The following GAGE1 variants were observed in gnomAD, a reference collection of about 807,000 sequenced individuals.
GAGE1 encodes the protein G antigen 1.
A neutral mutation model predicts 5.0 loss-of-function variants in GAGE1; 5 were observed. The observed-to-expected ratio is 1.00, with a 90% CI of 0.52 to 2.11. The LOEUF (loss-of-function observed/expected upper bound fraction) is 2.11, where lower values mean the gene tolerates loss of function less well. Among genes scored for constraint, GAGE1 ranks in the 30% most tolerant of loss-of-function variants. The pLI is 0.01. For synonymous variants in GAGE1, 6 were observed against 14.8 expected, an observed-to-expected ratio of 0.40 and a Z score of 1.37; for missense variants, 9 against 38.9, an observed-to-expected ratio of 0.23 and a Z score of 2.04.
intron 4 of GAGE1, among the ~76,000 whole-genome samples, chrX:49,604,142 T>TG (rs1450028057): frequency 2.7e-5 from 3 of 112,795 alleles, no homozygotes; most frequent in Non-Finnish European, 5.6e-5. Context: ...CGAGAGCCAC[T>TG]GTGCCAGACC....
chrX:49,604,623 C>T (rs1402676026), intron 4 of GAGE1, among the ~76,000 whole-genome samples: 4 of 112,492 alleles, frequency 3.6e-5, no homozygotes, highest in Non-Finnish European at 7.5e-5. Context: ...CAGAGATCAT[C>T]TGCTTCGCAT....
At chrX:49,602,794 C>T (rs1292491480) in intron 3 of GAGE1, among the ~76,000 whole-genome samples, 1 of 91,628 alleles carries the variant, frequency 1.1e-5, no homozygotes, top group African/African-American at 3.5e-5. Flanking sequence ...CAAATTTTGC[C>T]AGTTCCCCAG....
rs782307482 is a variant in GAGE1 at position 49,606,007 on chromosome X, C to T, written c.346C>T (p.Gln116Ter). 3.7e-6 allele frequency: 4 copies of T among 1,072,515 alleles called. No homozygotes were observed. Among genetic ancestry groups the T allele is most frequent in the East Asian group, 3.5e-5 (1 of 28,541 alleles). The allele number at this position is 1,072,515 out of a possible 1,213,427, so 88.4% of individuals were successfully genotyped here. A position where few individuals can be genotyped will look rare whatever the true frequency, so the allele number is the denominator to read the frequency against. The change falls in exon 5 of 5, where the codon CAG becomes TAG. Residue 116 changes from glutamine (Q) to a stop codon, truncating the protein, a stop_gained. Transcript: ENST00000381700. LOFTEE classifies it high-confidence loss of function. ...KTPEEGEGQS[Q>*]C ...TTTTGTTTCAGGTGAAGGGCAATCA[C>T]AGTGTTAAAAGAAGACATGCTGAAA...
chrX:49,604,317 A>T lies in GAGE1; in HGVS notation c.331+524A>T, dbSNP rs147367187. 3.7e-3 allele frequency among the ~76,000 whole-genome samples: 419 copies of T among 112,653 alleles called. 3 individuals are homozygous for T. Among genetic ancestry groups the T allele is most frequent in the African/African-American group, 0.013 (400 of 31,078 alleles). On this transcript the variant is annotated intron_variant, in intron 4 of 4. Transcript: ENST00000381700. Reference sequence around the variant, plus strand: ...AAGGTATGTTGAATTAAAAGTTTTGAGTATAAATCCTCAAACCAGTAGCTC... The same window carrying T: ...AAGGTATGTTGAATTAAAAGTTTTGTGTATAAATCCTCAAACCAGTAGCTC...
chrX:49,602,927 C>T (rs1461364676), intron 3 of GAGE1, among the ~76,000 whole-genome samples: 2 of 105,689 alleles, frequency 1.9e-5, no homozygotes, highest in Middle Eastern at 9.8e-3. Flanking sequence ...TCTAGGGATT[C>T]TCATGCCTCA....
chrX:49,603,411 AAG>A (rs781911030), intron 3 of GAGE1, among the ~76,000 whole-genome samples: 1,408 of 58,058 alleles, frequency 0.024, 1 homozygote, highest in Non-Finnish European at 0.042. Flanking sequence ...GAAGTAGAAT[AAG>A]AGAGAAGTGC....
rs1189751916 is a variant in GAGE1, at chrX:49,602,358, C to T, written c.206-1310C>T. On this transcript the variant is annotated intron_variant, in intron 3 of 4. Transcript: ENST00000381700. ...TTGTACCACAATTGGAAATTCCTTT[C>T]TTCCTAAAGTTCAGTGCAGTTATCA... is the stretch of plus-strand genomic sequence containing the variant. 3.6e-5 allele frequency among the ~76,000 whole-genome samples: 3 copies of T among 82,457 alleles called. 1 individual carries two copies. The highest frequency in any genetic ancestry group is 8.6e-5 in the Non-Finnish European group (3 of 34,903). 71.6% of individuals were successfully genotyped at this position (82,457 alleles called of 115,157 possible). A position where few individuals can be genotyped will look rare whatever the true frequency, so the allele number is the denominator to read the frequency against.
At chrX:49,604,892 C>G (rs1161558666) in intron 4 of GAGE1, 2 of 287,777 alleles carry the variant, frequency 6.9e-6, no homozygotes, top group Admixed American at 4.2e-5. Flanking sequence ...ACTGCAACCT[C>G]TGGCTCCCAG....
intron 4 of GAGE1, 85 bp from the exon 5 acceptor site, chrX:49,605,908 A>AAATAGT (rs1557132140): frequency 3.8e-6 from 1 of 265,511 alleles, no homozygotes; most frequent in Non-Finnish European, 5.6e-6. Flanking sequence ...ACTCCATCTA[A>AAATAGT]AATAATAATA....
At chrX:49,604,774 A>G (rs2066642297) in intron 4 of GAGE1, among the ~76,000 whole-genome samples, 1 of 111,821 alleles carries the variant, frequency 8.9e-6, no homozygotes, top group African/African-American at 3.3e-5. Context: ...TACGTAGTGT[A>G]AGATCTTGTG....
chrX:49,607,475 TCTC>T lies in GAGE1; in HGVS notation c.*1464_*1466del, dbSNP rs1404851611. The stretch of plus-strand genomic sequence containing the variant: ...CTTTTTCCATTCACTGGAACTCAAG[TCTC>T]CTCAAGGCTGTGAGTAATGCAGGGC... On this transcript the variant is annotated 3_prime_UTR_variant, in exon 5 of 5. Transcript: ENST00000381700. 5 of 111,237 alleles carry T rather than the reference TCTC, an allele frequency of 4.5e-5. No individual in the cohort carries two copies. The highest frequency in any genetic ancestry group is 2.9e-4 in the Admixed American group (3 of 10,327). The allele number at this position is 111,237 out of a possible 1,213,427, so 9.2% of individuals were successfully genotyped here.
chrX:49,604,670 G>A (rs2066641267), intron 4 of GAGE1, among the ~76,000 whole-genome samples: 1 of 112,431 alleles, frequency 8.9e-6, no homozygotes, highest in South Asian at 3.7e-4. Context: ...CCTGGCCCGA[G>A]TCATCTGAAA....
chrX:49,604,227 T>A (rs1268162109), intron 4 of GAGE1, among the ~76,000 whole-genome samples: 1 of 112,613 alleles, frequency 8.9e-6, no homozygotes, highest in Non-Finnish European at 1.9e-5. Flanking sequence ...AAAGGTTATT[T>A]GAAATGTAGT....
chrX:49,608,007 G>A lies in GAGE1; in HGVS notation c.*1992G>A, dbSNP rs1380360829. 1 of 111,769 alleles carries A rather than the reference G, an allele frequency of 8.9e-6. No individual in the cohort carries two copies. The highest frequency in any genetic ancestry group is 1.9e-5 in the Non-Finnish European group (1 of 53,176). The allele number at this position is 111,769 out of a possible 1,213,427, so 9.2% of individuals were successfully genotyped here. ...GGGGATTTCAATTTCTAAGCTCAAA[G>A]CCCTTGCACTTTTCTCAAAGTAAAG... On this transcript the variant is annotated 3_prime_UTR_variant, in exon 5 of 5. Coordinates refer to ENST00000381700, the MANE Select transcript of GAGE1 (RefSeq NM_001040663.4).
Position 49,606,114 on chromosome X carries a change from T to C in GAGE1, c.*99T>C. The C allele has an allele frequency of 4.0e-6, 2 of 495,328 alleles. No homozygotes were observed. The highest frequency in any genetic ancestry group is 8.3e-5 in the Admixed American group (2 of 23,997). 40.8% of individuals were successfully genotyped at this position (495,328 alleles called of 1,213,427 possible). A position where few individuals can be genotyped will look rare whatever the true frequency, so the allele number is the denominator to read the frequency against. ...TTTACAGCCTTCTGCAAAGAAGTCT[T>C]GTGAATCTTTTGTCAATTTTATTTC... On this transcript the variant is annotated 3_prime_UTR_variant, in exon 5 of 5. Coordinates refer to ENST00000381700, the MANE Select transcript of GAGE1 (RefSeq NM_001040663.4).
intron 4 of GAGE1, 139 bp from the exon 5 acceptor site, chrX:49,605,854 A>G: frequency 3.0e-6 from 1 of 329,038 alleles, no homozygotes; most frequent in Non-Finnish European, 4.6e-6. Context: ...CGTTGCAGTG[A>G]ACCAGATTGC....
At chrX:49,602,514 G>A (rs61205491) in intron 3 of GAGE1, among the ~76,000 whole-genome samples, 1 of 78,493 alleles carries the variant, frequency 1.3e-5, no homozygotes, top group African/African-American at 3.5e-5. Flanking sequence ...TCGCTTCATA[G>A]GTTTCACATC....
At chrX:49,604,388 T>G (rs1222349777) in intron 4 of GAGE1, among the ~76,000 whole-genome samples, 1 of 112,351 alleles carries the variant, frequency 8.9e-6, no homozygotes, top group Non-Finnish European at 1.9e-5. Context: ...AATCAATACA[T>G]AACACATTTG....
In GAGE1 at chrX:49,607,469, C is replaced by A. The variant is rs782757942; in HGVS notation, c.*1454C>A. 9.0e-6 allele frequency: 1 copy of A among 111,288 alleles called. No homozygotes were observed. Among genetic ancestry groups the A allele is most frequent in the South Asian group, 3.8e-4 (1 of 2,616 alleles). The allele number at this position is 111,288 out of a possible 1,213,427, so 9.2% of individuals were successfully genotyped here. On this transcript the variant is annotated 3_prime_UTR_variant, in exon 5 of 5. Coordinates refer to ENST00000381700, the MANE Select transcript of GAGE1 (RefSeq NM_001040663.4). The stretch of plus-strand genomic sequence containing the variant: ...AAACCTCTTTTTCCATTCACTGGAA[C>A]TCAAGTCTCCTCAAGGCTGTGAGTA...
Sources: gnomAD v4.1 joint callset for allele counts (sites outside exome capture counted in the v4.1 genomes callset) on GRCh38, gnomAD v4.1.1 for gene constraint, MANE v1.5 for transcripts, NCBI Gene and HGNC (gene_info 2026-07-23, HGNC 2026-07-21) for gene names.